Variants in AOX1 observed in about 807,000 individuals in gnomAD.
AOX1 encodes aldehyde oxidase 1, also known as aldehyde oxidase.
In AOX1, 153 loss-of-function variants were observed where a neutral mutation model predicts 169.5. The observed-to-expected ratio is 0.90, with a 90% CI of 0.79 to 1.03. The LOEUF is 1.03. AOX1 is among the 50% of genes least tolerant of loss of function. The probability of loss-of-function intolerance (pLI) is 0.00; values close to 1 mark genes in which losing one functional copy is unlikely to be tolerated. For missense variants in AOX1, 1,656 were observed against 1,663.9 expected, an observed-to-expected ratio of 1.00 and a Z score of 0.08; for synonymous variants, 562 against 581.9, an observed-to-expected ratio of 0.97 and a Z score of 0.49.
intron 1 of AOX1, among the ~76,000 whole-genome samples, chr2:200,586,779 G>A (rs1185133273): frequency 6.6e-6 from 1 of 152,228 alleles, no homozygotes; most frequent in Non-Finnish European, 1.5e-5. Context: ...GCTGGGTGCG[G>A]GCTCTGTCGC....
At chr2:200,656,960 T>C in intron 27 of AOX1, 23 bp downstream of exon 27, 1 of 1,469,478 alleles carries the variant, frequency 6.8e-7, no homozygotes, top group Non-Finnish European at 9.3e-7. Context: ...ATAACTCGAT[T>C]GAGTTGGGTG....
chr2:200,617,216 T>C (rs2034778080), intron 16 of AOX1, among the ~76,000 whole-genome samples: 1 of 152,220 alleles, frequency 6.6e-6, no homozygotes, highest in Admixed American at 6.5e-5. Flanking sequence ...GTCTGCCACA[T>C]AGATGAGTTT....
chr2:200,638,609 A>G (rs764407952), intron 23 of AOX1, among the ~76,000 whole-genome samples: 9 of 152,202 alleles, frequency 5.9e-5, no homozygotes, highest in Non-Finnish European at 8.8e-5. Context: ...TCTGATTACC[A>G]TACTTCTTCC....
chr2:200,636,803 G>C (rs1029486154), intron 21 of AOX1, 108 bp from the exon 22 acceptor site: 31 of 1,317,028 alleles, frequency 2.4e-5, no homozygotes, highest in South Asian at 1.0e-4. Context: ...CATTTCAGGG[G>C]ACAGGTTTTT....
At chr2:200,590,164 C>A (rs2034138979) in intron 1 of AOX1, among the ~76,000 whole-genome samples, 1 of 152,066 alleles carries the variant, frequency 6.6e-6, no homozygotes, top group African/African-American at 2.4e-5. Context: ...ACTCTCTCTC[C>A]TCTTATCTCT....
chr2:200,611,085 C>T (rs2034628454), intron 12 of AOX1, among the ~76,000 whole-genome samples: 1 of 152,168 alleles, frequency 6.6e-6, no homozygotes, highest in Admixed American at 6.5e-5. Context: ...AAACTCCTAA[C>T]CTCAAATGAT....
chr2:200,587,135 C>T (rs1222999288), intron 1 of AOX1, among the ~76,000 whole-genome samples: 2 of 150,800 alleles, frequency 1.3e-5, no homozygotes, highest in African/African-American at 4.9e-5. Flanking sequence ...AAAACAACAA[C>T]AACAAAAAAA....
chr2:200,638,355 A>G lies in AOX1; in HGVS notation c.2568+53A>G, dbSNP rs931640317. 4.7e-6 allele frequency: 7 copies of G among 1,499,778 alleles called. 1 individual carries two copies. The highest frequency in any genetic ancestry group is 1.1e-5 in the South Asian group (1 of 88,560). The allele number at this position is 1,499,778 out of a possible 1,614,324, so 92.9% of individuals were successfully genotyped here. ...ATTTATGTTGTAGATACAACATCCTATCAGTGCGCAGGGCAGTCTTTGGCT... is the reference window on the plus strand; with the variant it reads ...ATTTATGTTGTAGATACAACATCCTGTCAGTGCGCAGGGCAGTCTTTGGCT... On this transcript the variant is annotated intron_variant, in intron 23 of 34. Transcript: ENST00000374700.
Position 200,597,473 on chromosome 2 carries a change from G to A in AOX1, c.277G>A (p.Gly93Arg), listed in dbSNP as rs376473793. 3 of 1,612,406 alleles carry A rather than the reference G, an allele frequency of 1.9e-6. No individual in the cohort carries two copies. In the African/African-American group the frequency reaches 4.0e-5, roughly 22 times the overall value. Residue 93 changes from glycine (G) to arginine (R), a missense_variant, in exon 4 of 35, where the codon GGA (glycine) becomes AGA (arginine). Physicochemically the swap from Gly to Arg is moderately radical, Grantham distance 125. Transcript: ENST00000374700. ...GAAVTTVEGI[G>R]STHTRIHPVQ... ...TGCCGTCACCACAGTAGAAGGCATA[G>A]GAAGCACCCACACCAGAATTCATCC...
At chr2:200,663,072 A>C (rs2035859332) in intron 31 of AOX1, 103 bp downstream of exon 31, 1 of 856,090 alleles carries the variant, frequency 1.2e-6, no homozygotes, top group Non-Finnish European at 1.9e-6. Flanking sequence ...AGCATCGTGC[A>C]TTTGGCCTAA....
intron 29 of AOX1, among the ~76,000 whole-genome samples, 190 bp from the exon 30 acceptor site, chr2:200,661,389 G>A (rs1006000556): frequency 6.6e-6 from 1 of 152,144 alleles, no homozygotes; most frequent in African/African-American, 2.4e-5. Flanking sequence ...ACAATCATAG[G>A]TGCTGAACAA....
chr2:200,632,886 TTTTC>T (rs575729169), intron 20 of AOX1, among the ~76,000 whole-genome samples: 3 of 151,742 alleles, frequency 2.0e-5, no homozygotes, highest in African/African-American at 4.8e-5. Flanking sequence ...GTGCTTTTTT[TTTTC>T]TTTCTTTCTT....
At chr2:200,670,562 C>T in intron 34 of AOX1, 67 bp from the exon 35 acceptor site, 2 of 1,386,864 alleles carry the variant, frequency 1.4e-6, no homozygotes, top group East Asian at 4.6e-5. Context: ...ACTTTATGTT[C>T]TTCTATTTTT....
In AOX1 at chr2:200,636,927, C is replaced by T. The variant is rs754854763; in HGVS notation, c.2363C>T (p.Thr788Ile). ...PKYIQDIVAS[T>I]LKLPANKVMC... ...TGTTCACAGGACATTGTTGCCTCAA[C>T]CTTGAAGCTCCCAGCTAACAAGGTC... The change falls in exon 22 of 35, where the codon ACC becomes ATC. Residue 788 changes from threonine (T) to isoleucine (I), a missense_variant. Coordinates refer to ENST00000374700, the MANE Select transcript of AOX1 (RefSeq NM_001159.4). 2 of 1,614,012 alleles carry T rather than the reference C, an allele frequency of 1.2e-6. No homozygotes were observed. The highest frequency in any genetic ancestry group is 1.7e-6 in the Non-Finnish European group (2 of 1,179,944).
chr2:200,663,545 AACAC>A (rs530782102), intron 31 of AOX1, among the ~76,000 whole-genome samples: 1,394 of 117,782 alleles, frequency 0.012, 19 homozygotes, highest in African/African-American at 0.036. Flanking sequence ...CATACACACA[AACAC>A]ACACACACAC....
At chr2:200,602,768 C>A (rs1009207483) in intron 6 of AOX1, among the ~76,000 whole-genome samples, 6 of 152,082 alleles carry the variant, frequency 3.9e-5, no homozygotes, top group Non-Finnish European at 7.4e-5. Flanking sequence ...ACAGTAGAGG[C>A]TGTATATCTC....
chr2:200,661,547 T>C, intron 29 of AOX1, 32 bp from the exon 30 acceptor site: 1 of 1,584,548 alleles, frequency 6.3e-7, no homozygotes, highest in South Asian at 1.1e-5. Flanking sequence ...TTGGGCATCC[T>C]TGTTGCATCA....
intron 20 of AOX1, among the ~76,000 whole-genome samples, chr2:200,633,063 A>G (rs2035159711): frequency 6.6e-6 from 1 of 151,868 alleles, no homozygotes; most frequent in Admixed American, 6.6e-5. Flanking sequence ...TGCCTAGCTA[A>G]TTTTTGTATT....
chr2:200,676,903 G>A (rs749813897), exon 5 of AOX1: 41 of 470,752 alleles, frequency 8.7e-5, no homozygotes, highest in Admixed American at 2.1e-4. Flanking sequence ...CCTGTCAGGC[G>A]GACACAGGAA....
Sources: gnomAD v4.1 joint callset for allele counts (sites outside exome capture counted in the v4.1 genomes callset) on GRCh38, gnomAD v4.1.1 for gene constraint, MANE v1.5 for transcripts, NCBI Gene and HGNC (gene_info 2026-07-23, HGNC 2026-07-21) for gene names.